The following HMGA2 variants were observed in gnomAD, a reference collection of about 807,000 sequenced individuals.
The protein encoded by HMGA2 is high mobility group protein HMGI-C.
In HMGA2, 8 loss-of-function variants were observed where a neutral mutation model predicts 19.1. The observed-to-expected ratio is 0.42, with a 90% CI of 0.25 to 0.76. The LOEUF (loss-of-function observed/expected upper bound fraction) is 0.76, where lower values mean the gene tolerates loss of function less well. Among genes scored for constraint, HMGA2 ranks in the 30% least tolerant of loss-of-function variants. The pLI is 0.28. For missense variants in HMGA2, 109 were observed against 136.3 expected (o/e 0.80, Z 1.00); for synonymous variants, 60 against 48.8 (o/e 1.23, Z -0.96).
intron 3 of HMGA2, among the ~76,000 whole-genome samples, chr12:65,927,158 G>T (rs1875536724): frequency 6.6e-6 from 1 of 152,088 alleles, no homozygotes; most frequent in African/African-American, 2.4e-5. Flanking sequence ...GCCCTGGATT[G>T]TTTTTTTACA....
chr12:65,950,730 T>C (rs1876428766), intron 3 of HMGA2, among the ~76,000 whole-genome samples: 1 of 152,204 alleles, frequency 6.6e-6, no homozygotes, highest in Admixed American at 6.5e-5. Flanking sequence ...GTGAAGGTGT[T>C]TTAAAAAAAT....
intron 2 of HMGA2, among the ~76,000 whole-genome samples, chr12:65,835,894 A>T (rs758437050): frequency 6.6e-6 from 1 of 152,112 alleles, no homozygotes; most frequent in Non-Finnish European, 1.5e-5. Context: ...TGTTTGTGTA[A>T]TTTACTACTG....
At chr12:65,956,977 T>C (rs1192780344) in intron 4 of HMGA2, 1 of 152,232 alleles carries the variant, frequency 6.6e-6, no homozygotes, top group East Asian at 1.9e-4. Flanking sequence ...CATAGAAATA[T>C]GTTGCATTGC....
chr12:65,922,976 C>A (rs1875371830), intron 3 of HMGA2, among the ~76,000 whole-genome samples: 1 of 152,156 alleles, frequency 6.6e-6, no homozygotes, highest in Non-Finnish European at 1.5e-5. Context: ...GCCTCCCCAG[C>A]CATGTGGAAC....
intron 3 of HMGA2, among the ~76,000 whole-genome samples, chr12:65,904,465 C>A (rs1332390730): frequency 6.6e-6 from 1 of 152,194 alleles, no homozygotes; most frequent in Non-Finnish European, 1.5e-5. Flanking sequence ...GCCACCTTCT[C>A]CAGTTCCTTA....
At position 65,966,149 on chromosome 12, in the gene HMGA2, G is replaced by C. The variant is rs1199593894; in HGVS notation, c.*2857G>C. The C allele has an allele frequency of 3.9e-5, 8 of 207,030 alleles. No individual in the cohort carries two copies. The East Asian group carries it at 5.9e-4, about 15-fold the overall frequency. The allele number at this position is 207,030 out of a possible 1,614,324, so 12.8% of individuals were successfully genotyped here. On this transcript the variant is annotated 3_prime_UTR_variant, in exon 5 of 5. Coordinates refer to ENST00000403681, the MANE Select transcript of HMGA2 (RefSeq NM_003483.6). ...TCTATGATTGTACTTTGAATCGCTTGCTTGTTGAAAATATTTCTCTAGTGT... is the reference window on the plus strand; with the variant it reads ...TCTATGATTGTACTTTGAATCGCTTCCTTGTTGAAAATATTTCTCTAGTGT...
At chr12:65,939,621 G>T (rs1419983947) in intron 3 of HMGA2, among the ~76,000 whole-genome samples, 4 of 152,190 alleles carry the variant, frequency 2.6e-5, no homozygotes, top group Non-Finnish European at 4.4e-5. Context: ...CTCCCAAAGT[G>T]CTGGGATTAT....
chr12:65,895,947 G>A (rs1230179389), intron 3 of HMGA2, among the ~76,000 whole-genome samples: 1 of 152,260 alleles, frequency 6.6e-6, no homozygotes, highest in African/African-American at 2.4e-5. Context: ...TGAGGAGTGC[G>A]TTTGCATGTG....
intron 3 of HMGA2, among the ~76,000 whole-genome samples, chr12:65,878,126 C>A (rs1024245440): frequency 6.6e-6 from 1 of 152,186 alleles, no homozygotes; most frequent in African/African-American, 2.4e-5. Flanking sequence ...CCTGGAAGCG[C>A]CATTCACACA....
rs1469478772 is a variant in HMGA2, at chr12:65,941,947, G to C, written c.250-9436G>C. ...ATACATGTTACATGTCAAATTGTGT[G>C]TATCTAGTTCAAGTCCTGATCCGAT... On this transcript the variant is annotated intron_variant, in intron 3 of 4. Transcript: ENST00000403681. 3.3e-5 allele frequency among the ~76,000 whole-genome samples: 5 copies of C among 152,184 alleles called. 1 individual carries two copies. The East Asian group carries it at 9.6e-4, about 29-fold the overall frequency.
intron 3 of HMGA2, among the ~76,000 whole-genome samples, chr12:65,877,777 G>GA (rs1382100617): frequency 1.4e-5 from 2 of 146,530 alleles, no homozygotes; most frequent in East Asian, 4.0e-4. Flanking sequence ...GACCTGCCTG[G>GA]TTTTTTTTTT....
chr12:65,899,276 G>T (rs1874276310), intron 3 of HMGA2, among the ~76,000 whole-genome samples: 1 of 152,174 alleles, frequency 6.6e-6, no homozygotes, highest in South Asian at 2.1e-4. Flanking sequence ...TTCATAGCTT[G>T]TAGTTTATGA....
intron 3 of HMGA2, among the ~76,000 whole-genome samples, chr12:65,872,163 C>G (rs949686675): frequency 6.6e-6 from 1 of 152,180 alleles, no homozygotes; most frequent in Non-Finnish European, 1.5e-5. Context: ...ACACAAAATC[C>G]TCTAAATAAG....
intron 3 of HMGA2, among the ~76,000 whole-genome samples, chr12:65,849,961 C>T (rs939055565): frequency 1.3e-5 from 2 of 151,930 alleles, no homozygotes; most frequent in African/African-American, 2.4e-5. Flanking sequence ...TCAAATGGTC[C>T]GCCTGCTTCA....
chr12:65,886,010 C>G (rs1447148471), intron 3 of HMGA2, among the ~76,000 whole-genome samples: 1 of 152,190 alleles, frequency 6.6e-6, no homozygotes, highest in Non-Finnish European at 1.5e-5. Context: ...CTTAGTCCAG[C>G]AGCCCAAGCT....
At chr12:65,888,089 C>G (rs1438727716) in intron 3 of HMGA2, among the ~76,000 whole-genome samples, 1 of 152,038 alleles carries the variant, frequency 6.6e-6, no homozygotes, top group Admixed American at 6.6e-5. Flanking sequence ...TTATGAATCC[C>G]CTTTCCATAG....
In HMGA2 at chr12:65,963,612, T is replaced by A. The variant is rs966105367; in HGVS notation, c.*320T>A. 1 of 423,190 alleles carries A rather than the reference T, an allele frequency of 2.4e-6. No individual in the cohort carries two copies. The highest frequency in any genetic ancestry group is 2.0e-5 in the African/African-American group (1 of 50,062). 26.2% of individuals were successfully genotyped at this position (423,190 alleles called of 1,614,324 possible). A position where few individuals can be genotyped will look rare whatever the true frequency, so the allele number is the denominator to read the frequency against. ...TTAACCTACTAATAGTTTGTTGATC[T>A]GATAAGCAAGAGTGGGCGGGTGAGA... On this transcript the variant is annotated 3_prime_UTR_variant, in exon 5 of 5. Transcript: ENST00000403681.
Position 65,963,250 on chromosome 12 carries a change from A to T in HMGA2, c.288A>T (p.Glu96Asp), listed in dbSNP as rs1405500903. The T allele has an allele frequency of 1.2e-6, 2 of 1,613,598 alleles. No individual in the cohort carries two copies. Among genetic ancestry groups the T allele is most frequent in the South Asian group, 2.2e-5 (2 of 91,064 alleles). Residue 96 changes from glutamate (E) to aspartate (D), a missense_variant, in exon 5 of 5, where the codon GAA becomes GAT. By Grantham distance (45) the Glu-to-Asp change is conservative. Coordinates refer to ENST00000403681, the MANE Select transcript of HMGA2 (RefSeq NM_003483.6). Reference protein sequence around the residue: ...QVVQKKPAQEETEETSSQESA... With the variant: ...QVVQKKPAQEDTEETSSQESA... Reference sequence around the variant, plus strand: ...GTGCCCTTTGTGTGTTCCAGGAGGAAACTGAAGAGACATCCTCACAAGAGT... The same window carrying T: ...GTGCCCTTTGTGTGTTCCAGGAGGATACTGAAGAGACATCCTCACAAGAGT...
intron 4 of HMGA2, chr12:65,956,240 T>C (rs1198238026): frequency 6.6e-6 from 1 of 152,358 alleles, no homozygotes; most frequent in Middle Eastern, 3.4e-3. Context: ...TTCAAGCTAG[T>C]AAAACATCTT....
Sources: allele counts gnomAD v4.1 joint callset (sites outside exome capture counted in the v4.1 genomes callset), GRCh38; gene constraint gnomAD v4.1.1; transcripts MANE v1.5; gene names NCBI Gene and HGNC (gene_info 2026-07-23, HGNC 2026-07-21).